SEC61A1: variants seen among roughly 807,000 people sequenced by gnomAD.
SEC61A1 encodes SEC61 translocon subunit alpha 1.
SEC61A1 carries 15 observed loss-of-function variants against 55.2 expected under a neutral mutation model. The ratio of observed to expected loss-of-function variants is 0.27; its 90% CI spans 0.18 to 0.42. SEC61A1 has a LOEUF of 0.42. SEC61A1 is among the 10% of genes least tolerant of loss of function. The pLI is 1.00. For missense variants in SEC61A1, 284 were observed against 602.6 expected (o/e 0.47, Z 5.53); for synonymous variants, 247 against 234.0 (o/e 1.06, Z -0.51).
chr3:128,067,353 C>A lies in SEC61A1; in HGVS notation c.976-68C>A. On this transcript the variant is annotated intron_variant, in intron 9 of 11. Coordinates refer to ENST00000243253, the MANE Select transcript of SEC61A1 (RefSeq NM_013336.4). This position sits in a 1 kb window ranked among gnomAD's most constrained non-coding sequence, Gnocchi z 4.1. ...ATTGCATTCTTTCATCTGCTCAGAA[C>A]TATTTTTGCCTTGATGCTAAAGTAA... 1 of 1,507,224 alleles carries A rather than the reference C, an allele frequency of 6.6e-7. No individual in the cohort carries two copies. The highest frequency in any genetic ancestry group is 9.0e-7 in the Non-Finnish European group (1 of 1,108,920). The allele number at this position is 1,507,224 out of a possible 1,614,324, so 93.4% of individuals were successfully genotyped here.
chr3:128,070,973 G>A lies in SEC61A1; in HGVS notation c.*1311G>A, dbSNP rs1942149211. On this transcript the variant is annotated 3_prime_UTR_variant, in exon 12 of 12. Transcript: ENST00000243253. ...TTTCGAGCTGGCTTTAGACATTGGT[G>A]GGACCAAGGATGTTTTGCAGGATGC... The A allele has an allele frequency of 6.6e-6, 1 of 152,306 alleles. No homozygotes were observed. Among genetic ancestry groups the A allele is most frequent in the African/African-American group, 2.4e-5 (1 of 41,464 alleles). 9.4% of individuals were successfully genotyped at this position (152,306 alleles called of 1,614,324 possible).
rs868089354 is a variant in SEC61A1 at position 128,070,245 on chromosome 3, G to C, written c.*583G>C. The C allele has an allele frequency of 6.6e-6, 1 of 152,314 alleles. No individual in the cohort carries two copies. Among genetic ancestry groups the C allele is most frequent in the African/African-American group, 2.4e-5 (1 of 41,444 alleles). The allele number at this position is 152,314 out of a possible 1,614,324, so 9.4% of individuals were successfully genotyped here. ...TTTAAGGACAGAACTTCTTCCAAAAGAGAGGGATGGCTTTCCCAGAAGACA... is the reference window on the plus strand; with the variant it reads ...TTTAAGGACAGAACTTCTTCCAAAACAGAGGGATGGCTTTCCCAGAAGACA... On this transcript the variant is annotated 3_prime_UTR_variant, in exon 12 of 12. Transcript: ENST00000243253.
chr3:128,059,093 C>G lies in SEC61A1; in HGVS notation c.353-1009C>G, dbSNP rs763391860. On this transcript the variant is annotated intron_variant, in intron 5 of 11. Coordinates refer to ENST00000243253, the MANE Select transcript of SEC61A1 (RefSeq NM_013336.4). ...GTCAGACTGTACTTAGAGGACCCAT[C>G]TAGTACTGTGGAACTTGTCAAATGT... 4.5e-4 allele frequency among the ~76,000 whole-genome samples: 69 copies of G among 152,158 alleles called. 1 individual carries two copies. The highest frequency in any genetic ancestry group is 7.4e-5 in the Non-Finnish European group (5 of 68,026).
chr3:128,063,135 C>T (rs529500396), intron 7 of SEC61A1, among the ~76,000 whole-genome samples: 20 of 152,348 alleles, frequency 1.3e-4, no homozygotes, highest in African/African-American at 4.8e-4. Flanking sequence ...TGAATAGAAG[C>T]TTTCCTTTTT....
chr3:128,052,050 T>A (rs1941682994), upstream of SEC61A1: 4 of 702,200 alleles, frequency 5.7e-6, no homozygotes, highest in Non-Finnish European at 9.7e-6. Context: ...GAGCAGTGAG[T>A]GCTGTTACGT....
chr3:128,061,559 T>A (rs141810289), intron 7 of SEC61A1, among the ~76,000 whole-genome samples: 36 of 152,300 alleles, frequency 2.4e-4, no homozygotes, highest in African/African-American at 7.7e-4. Flanking sequence ...ATTAATGAGA[T>A]GGAAAACTGG....
chr3:128,052,637 C>T, intron 1 of SEC61A1, 78 bp downstream of exon 1: 4 of 1,552,372 alleles, frequency 2.6e-6, no homozygotes, highest in Non-Finnish European at 3.5e-6. Flanking sequence ...GTCGGGCGCC[C>T]GCCGGCCAAC....
chr3:128,063,433 GT>G (rs1941879685), intron 7 of SEC61A1, among the ~76,000 whole-genome samples: 3 of 152,238 alleles, frequency 2.0e-5, no homozygotes, highest in Admixed American at 2.0e-4. Context: ...CGCCTCCCGG[GT>G]TCAAGCAGTT....
At chr3:128,065,285 G>C in intron 8 of SEC61A1, 1 of 606,876 alleles carries the variant, frequency 1.6e-6, no homozygotes, top group Non-Finnish European at 2.9e-6. Flanking sequence ...TTCTGGGTTG[G>C]GCCTATCGAC....
At chr3:128,062,172 T>C (rs761581165) in intron 7 of SEC61A1, among the ~76,000 whole-genome samples, 5 of 152,206 alleles carry the variant, frequency 3.3e-5, no homozygotes, top group Non-Finnish European at 7.3e-5. Context: ...TGTGTCTACA[T>C]GTCAGTTGCT....
Position 128,052,576 on chromosome 3 carries a change from A to T in SEC61A1, c.7+17A>T, listed in dbSNP as rs1390009904. 1.9e-6 allele frequency: 3 copies of T among 1,595,934 alleles called. No individual in the cohort carries two copies. The African/African-American group carries it at 4.0e-5, about 21-fold the overall frequency. ...CCATGGCAAGTGAGTCCTGTAGGGAAGCCCTATTGAGGCCGGGACGGAACA... is the reference window on the plus strand; with the variant it reads ...CCATGGCAAGTGAGTCCTGTAGGGATGCCCTATTGAGGCCGGGACGGAACA... On this transcript the variant is annotated intron_variant, in intron 1 of 11. Coordinates refer to ENST00000243253, the MANE Select transcript of SEC61A1 (RefSeq NM_013336.4).
chr3:128,054,549 A>G (rs902808330), intron 2 of SEC61A1, among the ~76,000 whole-genome samples: 1 of 152,184 alleles, frequency 6.6e-6, no homozygotes, highest in East Asian at 1.9e-4. Flanking sequence ...CTTTGCCTGC[A>G]TGTATAGTTA....
intron 8 of SEC61A1, among the ~76,000 whole-genome samples, chr3:128,065,481 G>A (rs527423182): frequency 1.4e-4 from 21 of 152,216 alleles, no homozygotes; most frequent in Non-Finnish European, 2.4e-4. Flanking sequence ...TTGCTTCTGA[G>A]TAAGAGACCT....
At chr3:128,066,859 T>C in intron 8 of SEC61A1, 95 bp from the exon 9 acceptor site, 1 of 1,198,782 alleles carries the variant, frequency 8.3e-7, no homozygotes, top group Non-Finnish European at 1.2e-6. Context: ...TTTCCTCCCT[T>C]GTGGCCCACT....
intron 7 of SEC61A1, among the ~76,000 whole-genome samples, chr3:128,063,679 T>C (rs1346032981): frequency 1.3e-5 from 2 of 152,174 alleles, no homozygotes; most frequent in African/African-American, 4.8e-5. Flanking sequence ...ACTGATACCA[T>C]GACCCCACAC....
upstream of SEC61A1, chr3:128,052,229 A>C: frequency 5.7e-6 from 2 of 352,552 alleles, no homozygotes; most frequent in Non-Finnish European, 1.0e-5. Flanking sequence ...GCACACCCCC[A>C]GTCCCGGCGG....
rs1273219329 is a variant in SEC61A1 at position 128,052,527 on chromosome 3, G to T, written c.-26G>T. 3 of 1,595,092 alleles carry T rather than the reference G, an allele frequency of 1.9e-6. No individual in the cohort carries two copies. Among genetic ancestry groups the T allele is most frequent in the African/African-American group, 1.3e-5 (1 of 74,788 alleles). On this transcript the variant is annotated 5_prime_UTR_variant, in exon 1 of 12. Transcript: ENST00000243253. ...GCGGAGCAGAGCTGAGCTGAAGCGG[G>T]ACCCGGAGCCCGAGCAGCCGCCGCC...
intron 8 of SEC61A1, among the ~76,000 whole-genome samples, chr3:128,066,070 A>G (rs532311761): frequency 6.6e-6 from 1 of 152,074 alleles, no homozygotes; most frequent in African/African-American, 2.4e-5. Context: ...AATCCTCTGT[A>G]TTCCGAGCCC....
At chr3:128,059,790 C>T (rs752246135) in intron 5 of SEC61A1, among the ~76,000 whole-genome samples, 1 of 152,118 alleles carries the variant, frequency 6.6e-6, no homozygotes, top group Non-Finnish European at 1.5e-5. Flanking sequence ...GTAGGTTCTA[C>T]TCCCTGATTT....
Sources: gnomAD v4.1 joint callset for allele counts (sites outside exome capture counted in the v4.1 genomes callset) on GRCh38, gnomAD v4.1.1 for gene constraint, Gnocchi (gnomAD v3.1) non-coding constraint, MANE v1.5 for transcripts, NCBI Gene and HGNC (gene_info 2026-07-23, HGNC 2026-07-21) for gene names.